ATP8A2: variants seen among roughly 807,000 people sequenced by gnomAD.
ATP8A2 encodes the protein ATPase phospholipid transporting 8A2, also known as phospholipid-transporting ATPase IB.
ATP8A2 carries 100 observed loss-of-function variants against 165.6 expected under a neutral mutation model. The observed-to-expected ratio is 0.60, with a 90% confidence interval of 0.51 to 0.71. The LOEUF (loss-of-function observed/expected upper bound fraction) is 0.71. Ranked by LOEUF, ATP8A2 falls within the 30% of genes least tolerant of loss-of-function variation. ATP8A2 has a pLI of 0.00. For missense variants in ATP8A2, 1,227 were observed against 1,479.5 expected (o/e 0.83, Z 2.80); for synonymous variants, 543 against 548.8 (o/e 0.99, Z 0.15).
At chr13:25,979,403 T>G (rs1044751715) in intron 35 of ATP8A2, among the ~76,000 whole-genome samples, 3 of 152,224 alleles carry the variant, frequency 2.0e-5, no homozygotes, top group African/African-American at 7.2e-5. Context: ...CCAGGACACG[T>G]GAATGACTGT....
At chr13:25,513,012 ACC>A (rs1226853941) in intron 2 of ATP8A2, among the ~76,000 whole-genome samples, 2 of 84,864 alleles carry the variant, frequency 2.4e-5, no homozygotes, top group African/African-American at 4.6e-5. Flanking sequence ...CGGGGGGCTG[ACC>A]CCCCCCACCT....
intron 1 of ATP8A2, among the ~76,000 whole-genome samples, chr13:25,449,053 T>C (rs1263769763): frequency 6.6e-6 from 1 of 152,228 alleles, no homozygotes; most frequent in Non-Finnish European, 1.5e-5. Context: ...TTCCCTAAGA[T>C]AAATCTATTT....
intron 4 of ATP8A2, among the ~76,000 whole-genome samples, chr13:25,531,227 T>A (rs973535936): frequency 7.2e-5 from 8 of 111,752 alleles, no homozygotes; most frequent in East Asian, 2.3e-4. Context: ...ATGATATATG[T>A]TATATATGAT....
At chr13:25,797,599 AC>A (rs1950523419) in intron 27 of ATP8A2, among the ~76,000 whole-genome samples, 1 of 152,144 alleles carries the variant, frequency 6.6e-6, no homozygotes, top group African/African-American at 2.4e-5. Context: ...CCGTGTTCCC[AC>A]TTTTTTAGGA....
chr13:25,485,232 C>T (rs570316809), intron 2 of ATP8A2, among the ~76,000 whole-genome samples: 2 of 152,290 alleles, frequency 1.3e-5, no homozygotes, highest in South Asian at 4.2e-4. Flanking sequence ...AAGTTTTGTT[C>T]ACTGTATAAG....
In ATP8A2 at chr13:25,953,349, A is replaced by G. The variant is rs1955423597; in HGVS notation, c.3184-8226A>G. On this transcript the variant is annotated intron_variant, in intron 33 of 36. Coordinates refer to ENST00000381655, the MANE Select transcript of ATP8A2 (RefSeq NM_016529.6). This position sits in a 1 kb window ranked among gnomAD's most constrained non-coding sequence, Gnocchi z 6.7. ...CTGTAAAATGGGGACGGGGGGGATTAAATAAAATGCTTTATGGGAAGTTCT... is the reference window on the plus strand; with the variant it reads ...CTGTAAAATGGGGACGGGGGGGATTGAATAAAATGCTTTATGGGAAGTTCT... 6.6e-6 allele frequency among the ~76,000 whole-genome samples: 1 copy of G among 151,976 alleles called. No individual in the cohort carries two copies. Among genetic ancestry groups the G allele is most frequent in the Non-Finnish European group, 1.5e-5 (1 of 67,984 alleles).
intron 25 of ATP8A2, chr13:25,705,262 T>TCTAAA: frequency 3.0e-6 from 1 of 338,910 alleles, no homozygotes; most frequent in South Asian, 2.3e-5. Flanking sequence ...TTAAAGTGAC[T>TCTAAA]GTCTCGTCAG....
At chr13:25,468,869 GCATCCT>G in intron 1 of ATP8A2, 102 bp from the exon 2 acceptor site, 1 of 1,534,704 alleles carries the variant, frequency 6.5e-7, no homozygotes, top group Non-Finnish European at 8.8e-7. Context: ...CCTCACCCGA[GCATCCT>G]TCCCCGCCGG....
intron 24 of ATP8A2, among the ~76,000 whole-genome samples, chr13:25,610,798 T>C (rs1181469747): frequency 6.6e-6 from 1 of 152,050 alleles, no homozygotes; most frequent in African/African-American, 2.4e-5. Flanking sequence ...TGTATTTCCA[T>C]TTGTTTGTGT....
At position 26,022,424 on chromosome 13, in the gene ATP8A2, A is replaced by G. The variant is rs1886490; in HGVS notation, c.*2439A>G. 0.15 allele frequency: 22,529 copies of G among 152,176 alleles called. 2,297 individuals carry two copies. Among genetic ancestry groups the G allele is most frequent in the East Asian group, 0.51 (2,603 of 5,152 alleles). The allele number at this position is 152,176 out of a possible 1,614,324, so 9.4% of individuals were successfully genotyped here. A position where few individuals can be genotyped will look rare whatever the true frequency, so the allele number is the denominator to read the frequency against. On this transcript the variant is annotated 3_prime_UTR_variant, in exon 37 of 37. Coordinates refer to ENST00000381655, the MANE Select transcript of ATP8A2 (RefSeq NM_016529.6). Reference sequence around the variant, plus strand: ...TTTGTTTGGGGTTTTTGTTTCTTACATTAGAGTTCATATTTTCTGGGATTT... The same window carrying G: ...TTTGTTTGGGGTTTTTGTTTCTTACGTTAGAGTTCATATTTTCTGGGATTT...
At chr13:25,778,757 C>T (rs985508099) in intron 27 of ATP8A2, among the ~76,000 whole-genome samples, 1 of 152,216 alleles carries the variant, frequency 6.6e-6, no homozygotes, top group Non-Finnish European at 1.5e-5. Context: ...TCACCTGCCC[C>T]TCTGCGATCT....
At chr13:25,944,238 G>A (rs1955148065) in intron 33 of ATP8A2, among the ~76,000 whole-genome samples, 1 of 152,236 alleles carries the variant, frequency 6.6e-6, no homozygotes, top group Non-Finnish European at 1.5e-5. Flanking sequence ...CTGGGCGGGT[G>A]GCTCACGCCC....
chr13:25,765,919 C>A (rs571524314), intron 25 of ATP8A2, among the ~76,000 whole-genome samples: 2 of 152,176 alleles, frequency 1.3e-5, no homozygotes, highest in Non-Finnish European at 2.9e-5. Context: ...CCGACCCCTG[C>A]AGTGTGAAGT....
chr13:25,502,646 G>T (rs538088364), intron 2 of ATP8A2, among the ~76,000 whole-genome samples: 1 of 152,320 alleles, frequency 6.6e-6, no homozygotes, highest in East Asian at 1.9e-4. Context: ...ATATTCAGAA[G>T]AACAGTGGTA....
intron 1 of ATP8A2, among the ~76,000 whole-genome samples, chr13:25,448,108 T>C (rs547419762): frequency 6.6e-6 from 1 of 152,336 alleles, no homozygotes; most frequent in East Asian, 1.9e-4. Context: ...TTTAGGGCCA[T>C]GGGTCCAGGC....
intron 27 of ATP8A2, among the ~76,000 whole-genome samples, chr13:25,826,384 G>A (rs540895404): frequency 1.3e-5 from 2 of 152,174 alleles, no homozygotes; most frequent in Non-Finnish European, 2.9e-5. Context: ...CTGTATTTAA[G>A]GAAAACTTCA....
In ATP8A2 at chr13:25,906,495, G is replaced by A. The variant is rs1953940867; in HGVS notation, c.3183+44087G>A. 5.9e-5 allele frequency among the ~76,000 whole-genome samples: 9 copies of A among 152,200 alleles called. No homozygotes were observed. In the South Asian group the frequency reaches 1.9e-3, roughly 32 times the overall value. The stretch of plus-strand genomic sequence containing the variant: ...CAATTCCCAGCACCCCGAGGCCTGA[G>A]CAGCGGTGGGGTCTCCTGTCTCCTC... On this transcript the variant is annotated intron_variant, in intron 33 of 36. Coordinates refer to ENST00000381655, the MANE Select transcript of ATP8A2 (RefSeq NM_016529.6).
Position 26,019,957 on chromosome 13 carries a change from C to T in ATP8A2, c.3539C>T (p.Thr1180Ile). 1 of 1,613,486 alleles carries T rather than the reference C, an allele frequency of 6.2e-7. No individual in the cohort carries two copies. The highest frequency in any genetic ancestry group is 8.5e-7 in the Non-Finnish European group (1 of 1,179,462). Residue 1180 changes from threonine (T) to isoleucine (I), a missense_variant, in exon 37 of 37, where the codon ACC becomes ATC. This residue lies in a region of ATP8A2 where 15 missense variants were observed against 37.1 expected (regional missense o/e 0.40). Transcript: ENST00000381655. ...GAAGAAGTCATCCGTGCTTATGACA[C>T]CACCAAAAAGAAATCCAGGAAGAAA... ...SQEEVIRAYD[T>I]TKKKSRKK
chr13:25,862,313 G>T lies in ATP8A2; in HGVS notation c.3088G>T (p.Ala1030Ser), dbSNP rs1346737034. Residue 1030 changes from alanine to serine, a missense_variant, in exon 33 of 37, where the codon GCT becomes TCT. Ala to Ser is a moderately conservative substitution (Grantham distance 99). This residue lies in a region of ATP8A2 where 260 missense variants were observed against 245.1 expected (regional missense o/e 1.06). Transcript: ENST00000381655. Reference sequence around the variant, plus strand: ...TTTCCCTCTGCAGTTCAGTCATCTGGCTGTCTGGGGAAGCATGCTGACCTG... The same window carrying T: ...TTTCCCTCTGCAGTTCAGTCATCTGTCTGTCTGGGGAAGCATGCTGACCTG... ...TTAWTKFSHL[A>S]VWGSMLTWLV... 6.2e-7 allele frequency: 1 copy of T among 1,613,902 alleles called. No individual in the cohort carries two copies. The highest frequency in any genetic ancestry group is 2.2e-5 in the East Asian group (1 of 44,872).
Sources: allele counts gnomAD v4.1 joint callset (sites outside exome capture counted in the v4.1 genomes callset), GRCh38; gene constraint gnomAD v4.1.1; regional missense constraint gnomAD v4.1.1; non-coding constraint Gnocchi (gnomAD v3.1); transcripts MANE v1.5; gene names NCBI Gene and HGNC (gene_info 2026-07-23, HGNC 2026-07-21).